The following PTPN2 variants were observed in gnomAD, a reference collection of about 807,000 sequenced individuals.
PTPN2 encodes protein tyrosine phosphatase non-receptor type 2, also known as tyrosine-protein phosphatase non-receptor type 2.
Under a neutral mutation model 57.3 loss-of-function variants are expected in PTPN2, and 19 were observed. The ratio of observed to expected loss-of-function variants is 0.33; its 90% CI spans 0.23 to 0.49. The LOEUF (loss-of-function observed/expected upper bound fraction) is 0.49, where lower values mean the gene tolerates loss of function less well. Ranked by LOEUF, PTPN2 falls within the 20% of genes least tolerant of loss-of-function variation. The probability of loss-of-function intolerance (pLI) is 0.99; values close to 1 mark genes in which losing one functional copy is unlikely to be tolerated. For missense variants in PTPN2, 358 were observed against 501.1 expected, an observed-to-expected ratio of 0.71 and a Z score of 2.73; for synonymous variants, 153 against 164.9, an observed-to-expected ratio of 0.93 and a Z score of 0.55.
intron 1 of PTPN2, among the ~76,000 whole-genome samples, chr18:12,870,277 A>G (rs143284400): frequency 0.013 from 990 of 76,522 alleles, 43 homozygotes; most frequent in East Asian, 0.039. Flanking sequence ...ATATATGTAT[A>G]TATATACATA....
chr18:12,798,203 A>G (rs1164192267), intron 8 of PTPN2, among the ~76,000 whole-genome samples: 1 of 152,212 alleles, frequency 6.6e-6, no homozygotes, highest in African/African-American at 2.4e-5. Flanking sequence ...ATGTAAATAT[A>G]TGGAATTTAT....
intron 1 of PTPN2, chr18:12,864,016 G>A (rs1013857461): frequency 1.8e-4 from 27 of 152,142 alleles, no homozygotes; most frequent in Admixed American, 1.2e-3. Flanking sequence ...AGAAAAGACT[G>A]GTTGAATAAA....
At chr18:12,791,303 A>T (rs187874419), downstream of PTPN2, among the ~76,000 whole-genome samples, 122 of 152,326 alleles carry the variant, frequency 8.0e-4, 1 homozygote, top group African/African-American at 2.8e-3. Flanking sequence ...AACTCCTGAA[A>T]ATAAAAGAAA....
chr18:12,851,903 A>C (rs1381805588), intron 2 of PTPN2, among the ~76,000 whole-genome samples: 1 of 152,202 alleles, frequency 6.6e-6, no homozygotes, highest in Non-Finnish European at 1.5e-5. Context: ...TTTCACATGG[A>C]TGAACCTTGA....
chr18:12,792,505 T>A lies in PTPN2; in HGVS notation c.*1773A>T, dbSNP rs1000057851. 6.5e-6 allele frequency: 1 copy of A among 153,016 alleles called. No individual in the cohort carries two copies. Among genetic ancestry groups the A allele is most frequent in the African/African-American group, 2.4e-5 (1 of 41,434 alleles). The allele number at this position is 153,016 out of a possible 1,614,324, so 9.5% of individuals were successfully genotyped here. On this transcript the variant is annotated 3_prime_UTR_variant, in exon 9 of 9. Transcript: ENST00000309660. ...ACCATGTTGGCCAGGACAGTCTCCA[T>A]CTCTTGACCTCGTGATCCGCCCGCC...
intron 7 of PTPN2, among the ~76,000 whole-genome samples, chr18:12,806,472 C>A (rs1378844656): frequency 6.6e-6 from 1 of 152,042 alleles, no homozygotes; most frequent in East Asian, 1.9e-4. Context: ...TGTATGAAAT[C>A]ATAAAAGACC....
intron 5 of PTPN2, among the ~76,000 whole-genome samples, chr18:12,820,631 C>T (rs1314745819): frequency 6.6e-6 from 1 of 152,172 alleles, no homozygotes; most frequent in Non-Finnish European, 1.5e-5. Context: ...TCCTTGGTCA[C>T]CGAGTCACAC....
intron 1 of PTPN2, among the ~76,000 whole-genome samples, chr18:12,877,374 C>T (rs376279357): frequency 2.6e-5 from 4 of 152,270 alleles, no homozygotes; most frequent in Middle Eastern, 3.4e-3. Flanking sequence ...AAGGAGACTA[C>T]GGTCTAGTCT....
intron 1 of PTPN2, among the ~76,000 whole-genome samples, chr18:12,878,311 A>G (rs2044558930): frequency 1.3e-5 from 2 of 151,442 alleles, no homozygotes; most frequent in African/African-American, 4.9e-5. Flanking sequence ...AGTGAGACCC[A>G]GTCTCAAAAA....
chr18:12,866,306 C>T (rs899755713), intron 1 of PTPN2, among the ~76,000 whole-genome samples: 4 of 152,002 alleles, frequency 2.6e-5, no homozygotes, highest in African/African-American at 7.2e-5. Context: ...GGTGTGGTGG[C>T]GGGCGCCTGT....
intron 8 of PTPN2, among the ~76,000 whole-genome samples, chr18:12,799,881 T>G (rs1263599906): frequency 6.6e-6 from 1 of 152,194 alleles, no homozygotes; most frequent in Non-Finnish European, 1.5e-5. Flanking sequence ...TCCACCTGCC[T>G]TGACCTCCCA....
At chr18:12,837,649 C>T (rs965298844) in intron 2 of PTPN2, among the ~76,000 whole-genome samples, 5 of 152,102 alleles carry the variant, frequency 3.3e-5, no homozygotes, top group East Asian at 1.9e-4. Flanking sequence ...ACACAACTGC[C>T]GGATGCATAT....
At chr18:12,807,584 A>AT (rs1555660747) in intron 7 of PTPN2, among the ~76,000 whole-genome samples, 2,007 of 54,814 alleles carry the variant, frequency 0.037, 62 homozygotes, top group South Asian at 0.14. Context: ...AAAAAAAAAA[A>AT]AAATATATAT....
Position 12,814,326 on chromosome 18 carries a change from T to C in PTPN2, c.735A>G (p.Lys245=), listed in dbSNP as rs2041992465. 1 of 1,603,050 alleles carries C rather than the reference T, an allele frequency of 6.2e-7. No individual in the cohort carries two copies. The highest frequency in any genetic ancestry group is 8.5e-7 in the Non-Finnish European group (1 of 1,177,050). The stretch of plus-strand genomic sequence containing the variant: ...ATTTTCTCATGTTCAGTAACACTTG[T>C]TTTATGTTAATATCATCTCCTTTTT... ...LMEKGDDINI[K]QVLLNMRKYR... Residue 245 remains lysine, a synonymous_variant, in exon 7 of 9, where the codon AAA becomes AAG. Transcript: ENST00000309660.
At chr18:12,834,971 A>T (rs1480269677) in intron 3 of PTPN2, among the ~76,000 whole-genome samples, 1 of 152,106 alleles carries the variant, frequency 6.6e-6, no homozygotes, top group Non-Finnish European at 1.5e-5. Context: ...ACACATGTCC[A>T]AGCCCCACTG....
chr18:12,815,835 TTG>T (rs2042056834), intron 6 of PTPN2, among the ~76,000 whole-genome samples: 1 of 152,196 alleles, frequency 6.6e-6, no homozygotes, highest in East Asian at 1.9e-4. Flanking sequence ...ATCAAGCTCC[TTG>T]TGTGTGTGTT....
At chr18:12,828,676 T>C (rs1320377098) in intron 4 of PTPN2, among the ~76,000 whole-genome samples, 1 of 152,188 alleles carries the variant, frequency 6.6e-6, no homozygotes, top group Non-Finnish European at 1.5e-5. Context: ...ACTCTTGAAG[T>C]ATGTTATCTT....
At chr18:12,873,161 CAGTG>C (rs1322981947) in intron 1 of PTPN2, among the ~76,000 whole-genome samples, 1 of 150,116 alleles carries the variant, frequency 6.7e-6, no homozygotes, top group East Asian at 2.0e-4. Flanking sequence ...GTGGAGGTTG[CAGTG>C]AGCCAAGATC....
intron 6 of PTPN2, among the ~76,000 whole-genome samples, chr18:12,815,939 C>T (rs182684325): frequency 1.0e-3 from 157 of 152,252 alleles, no homozygotes; most frequent in South Asian, 2.7e-3. Context: ...GACATAACTG[C>T]AATGAAGCAT....
Sources: gnomAD v4.1 joint callset for allele counts (sites outside exome capture counted in the v4.1 genomes callset) on GRCh38, gnomAD v4.1.1 for gene constraint, MANE v1.5 for transcripts, NCBI Gene and HGNC (gene_info 2026-07-23, HGNC 2026-07-21) for gene names.